TMEM71: variants seen among roughly 807,000 people sequenced by gnomAD.
TMEM71 encodes the protein transmembrane protein 71.
A neutral mutation model predicts 38.0 loss-of-function variants in TMEM71; 44 were observed. The ratio of observed to expected loss-of-function variants is 1.16; its 90% CI spans 0.91 to 1.49. TMEM71 has a LOEUF of 1.49. Among genes scored for constraint, TMEM71 ranks in the 40% most tolerant of loss-of-function variants. TMEM71 has a pLI of 0.00. For synonymous variants in TMEM71, 133 were observed against 122.5 expected (o/e 1.09, Z -0.56); for missense variants, 367 against 348.6 (o/e 1.05, Z -0.42).
chr8:132,723,573 T>G (rs896523796), intron 6 of TMEM71, among the ~76,000 whole-genome samples: 1 of 152,214 alleles, frequency 6.6e-6, no homozygotes, highest in Non-Finnish European at 1.5e-5. Context: ...CATTATACCT[T>G]GTTCATATCT....
At chr8:132,769,731 C>T in the TMEM71 span, among the ~76,000 whole-genome samples, 2 of 152,330 alleles carry the variant, frequency 1.3e-5, no homozygotes, top group Admixed American at 6.5e-5. Context: ...AATCAATTGG[C>T]ACCTTGATCT....
chr8:132,721,172 AG>A (rs1792276166), intron 7 of TMEM71, among the ~76,000 whole-genome samples: 1 of 152,228 alleles, frequency 6.6e-6, no homozygotes, highest in Non-Finnish European at 1.5e-5. Context: ...GCAAGTGCAA[AG>A]GCCCTGAGAC....
At chr8:132,720,570 C>A (rs1483239353) in intron 7 of TMEM71, among the ~76,000 whole-genome samples, 1 of 152,166 alleles carries the variant, frequency 6.6e-6, no homozygotes, top group African/African-American at 2.4e-5. Flanking sequence ...CACTTTTGTT[C>A]TTGTGGTCCC....
At chr8:132,764,243 C>CTATT, upstream of TMEM71, among the ~76,000 whole-genome samples, 1 of 152,080 alleles carries the variant, frequency 6.6e-6, no homozygotes, top group East Asian at 1.9e-4. Flanking sequence ...ATAATAATAG[C>CTATT]TATCAATAAG....
At chr8:132,753,894 C>A (rs1828864785) in intron 3 of TMEM71, among the ~76,000 whole-genome samples, 1 of 152,044 alleles carries the variant, frequency 6.6e-6, no homozygotes, top group Admixed American at 6.6e-5. Context: ...CTTTTCTGTT[C>A]CTTCTATCTT....
chr8:132,770,991 T>C, the TMEM71 span, among the ~76,000 whole-genome samples: 2 of 152,146 alleles, frequency 1.3e-5, no homozygotes, highest in Admixed American at 1.3e-4. Context: ...AATACTGATA[T>C]AGTTAATGCA....
rs76386774 is a variant in TMEM71, at chr8:132,728,263, G to T, written c.488-277C>A. ...AATGGACTCACAGTTCCACATGGCT[G>T]GGGAGGCTTCACAATCATGGTGGAA... On this transcript the variant is annotated intron_variant, in intron 5 of 9. Coordinates refer to ENST00000677595, the MANE Select transcript of TMEM71 (RefSeq NM_001382403.1). Among the ~76,000 whole-genome samples the T allele has an allele frequency of 5.3e-5, 8 of 152,220 alleles. No homozygotes were observed. The East Asian group carries it at 1.5e-3, about 29-fold the overall frequency.
chr8:132,752,796 AAAGAAAGG>A (rs1178802442), intron 3 of TMEM71, among the ~76,000 whole-genome samples: 1 of 148,648 alleles, frequency 6.7e-6, no homozygotes, highest in South Asian at 2.1e-4. Context: ...AGAGAGAAGG[AAAGAAAGG>A]AAGAAAGGAA....
the TMEM71 span, among the ~76,000 whole-genome samples, chr8:132,766,787 AAAAAAAAATAAAAAT>A: frequency 1.3e-5 from 1 of 76,228 alleles, no homozygotes; most frequent in African/African-American, 3.2e-5. Flanking sequence ...TCTGTCTAAA[AAAAAAAAATAAAAAT>A]AAAAAAGATG....
the TMEM71 span, among the ~76,000 whole-genome samples, chr8:132,769,094 G>A: frequency 4.6e-5 from 7 of 152,208 alleles, no homozygotes; most frequent in Admixed American, 4.6e-4. Context: ...TTCAATAAAC[G>A]CATGTGGAAA....
intron 7 of TMEM71, among the ~76,000 whole-genome samples, chr8:132,721,086 T>A (rs147207029): frequency 2.0e-4 from 30 of 152,290 alleles, no homozygotes; most frequent in African/African-American, 7.2e-4. Context: ...TGATGTGACA[T>A]TTGAACGGAT....
downstream of TMEM71, among the ~76,000 whole-genome samples, chr8:132,707,692 G>A (rs1586778965): frequency 6.6e-6 from 1 of 152,156 alleles, no homozygotes; most frequent in East Asian, 1.9e-4. Context: ...AGAACTGTGA[G>A]AAATATGTTT....
the TMEM71 span, among the ~76,000 whole-genome samples, chr8:132,775,031 A>G: frequency 6.6e-6 from 1 of 152,240 alleles, no homozygotes; most frequent in East Asian, 1.9e-4. Context: ...AGTGGGATGG[A>G]TATCTAAGAA....
chr8:132,725,374 A>G (rs1827085933), intron 6 of TMEM71, among the ~76,000 whole-genome samples: 3 of 152,194 alleles, frequency 2.0e-5, no homozygotes, highest in Non-Finnish European at 4.4e-5. Context: ...TATGTCACCC[A>G]GGCTGGTCTG....
chr8:132,775,300 G>T, the TMEM71 span: 27 of 337,078 alleles, frequency 8.0e-5, no homozygotes, highest in Non-Finnish European at 1.4e-4. Flanking sequence ...CGCGGCCCGG[G>T]CCCAACCCTC....
intron 7 of TMEM71, among the ~76,000 whole-genome samples, chr8:132,716,045 C>G (rs1027840980): frequency 6.6e-6 from 1 of 152,150 alleles, no homozygotes. Flanking sequence ...CCGAGGGAGC[C>G]GAGAACAGGA....
chr8:132,727,885 G>A lies in TMEM71; in HGVS notation c.589C>T (p.Pro197Ser), dbSNP rs745681420. The A allele has an allele frequency of 1.2e-6, 2 of 1,614,112 alleles. No individual in the cohort carries two copies. The highest frequency in any genetic ancestry group is 3.3e-5 in the Admixed American group (2 of 60,018). Residue 197 changes from proline (P) to serine (S), a missense_variant, in exon 6 of 10, where the codon CCT becomes TCT. Physicochemically the swap from Pro to Ser is moderately conservative, Grantham distance 74. Coordinates refer to ENST00000677595, the MANE Select transcript of TMEM71 (RefSeq NM_001382403.1). ...AAGCTATGGGAGTTTCCTCCAGGAG[G>A]CTGAGATATGATGTGGCTGGAAGAG... ...TSSSSHIISQ[P>S]PGGNSHSLSL...
chr8:132,750,261 A>G (rs965360430), intron 4 of TMEM71, among the ~76,000 whole-genome samples: 15 of 152,132 alleles, frequency 9.9e-5, no homozygotes, highest in African/African-American at 3.6e-4. Flanking sequence ...GACCTTTTCT[A>G]TTTTGGACAT....
chr8:132,716,219 T>C (rs1425705), intron 7 of TMEM71, among the ~76,000 whole-genome samples: 86,619 of 152,160 alleles, frequency 0.57, 27,731 homozygotes, highest in African/African-American at 0.88. Flanking sequence ...TCCCTGCTCC[T>C]GTTGCCCGCT....
Sources: gnomAD v4.1 joint callset for allele counts (sites outside exome capture counted in the v4.1 genomes callset) on GRCh38, gnomAD v4.1.1 for gene constraint, MANE v1.5 for transcripts, NCBI Gene and HGNC (gene_info 2026-07-23, HGNC 2026-07-21) for gene names.